Variants in RRN3 observed in about 807,000 individuals in gnomAD.
RRN3 encodes the protein RNA polymerase I transcription factor RRN3.
Under a neutral mutation model 82.3 loss-of-function variants are expected in RRN3, and 38 were observed. The observed-to-expected ratio is 0.46, with a 90% CI of 0.36 to 0.61. The LOEUF (loss-of-function observed/expected upper bound fraction) is 0.61, where lower values mean the gene tolerates loss of function less well. RRN3 is among the 20% of genes least tolerant of loss of function. The pLI is 0.00. For synonymous variants in RRN3, 284 were observed against 284.3 expected (o/e 1.00, Z 0.01); for missense variants, 726 against 793.1 (o/e 0.92, Z 1.02).
chr16:15,076,683 G>T (rs762303545), intron 9 of RRN3, 33 bp from the exon 10 acceptor site: 22 of 1,442,350 alleles, frequency 1.5e-5, no homozygotes, highest in East Asian at 6.8e-5. Context: ...AAGAATAAAA[G>T]GATTTAAAAA....
chr16:15,074,665 C>T, intron 11 of RRN3, 58 bp downstream of exon 11: 1 of 1,355,664 alleles, frequency 7.4e-7, no homozygotes, highest in Non-Finnish European at 1.0e-6. Context: ...TGGAAAATGC[C>T]CAGCACAAAG....
intron 8 of RRN3, among the ~76,000 whole-genome samples, chr16:15,082,611 T>A (rs771683438): frequency 6.6e-6 from 1 of 151,770 alleles, no homozygotes. Flanking sequence ...AGGCAGAGGC[T>A]GCAGCGAGCT....
rs532274255 is a variant in RRN3 at position 15,075,928 on chromosome 16, C to T, written c.858+630G>A. On this transcript the variant is annotated intron_variant, in intron 10 of 17. Transcript: ENST00000198767. ...CAGAAAGGAGCCAGGACCACCCTTG[C>T]ACTCTTTCCAGCCCCTCCCCCTTAG... 5.3e-5 allele frequency among the ~76,000 whole-genome samples: 8 copies of T among 152,296 alleles called. No individual in the cohort carries two copies. In the South Asian group the frequency reaches 1.4e-3, roughly 28 times the overall value.
At chr16:15,093,717 C>A (rs553600822) in intron 1 of RRN3, among the ~76,000 whole-genome samples, 11 of 152,178 alleles carry the variant, frequency 7.2e-5, no homozygotes, top group Non-Finnish European at 1.0e-4. Flanking sequence ...ATAAAGACTG[C>A]GAAACAAATA....
chr16:15,082,272 A>G lies in RRN3; in HGVS notation c.666+1241T>C, dbSNP rs35515726. 1.8e-4 allele frequency among the ~76,000 whole-genome samples: 28 copies of G among 152,284 alleles called. No individual in the cohort carries two copies. In the South Asian group the frequency reaches 5.6e-3, roughly 30 times the overall value. ...AATTTCCTTCTGTTTTTCTCGTAAAAGGATATTGGTGTTTGTCACACACTT... is the reference window on the plus strand; with the variant it reads ...AATTTCCTTCTGTTTTTCTCGTAAAGGGATATTGGTGTTTGTCACACACTT... On this transcript the variant is annotated intron_variant, in intron 8 of 17. Coordinates refer to ENST00000198767, the MANE Select transcript of RRN3 (RefSeq NM_018427.5).
chr16:15,085,509 G>C (rs1036796344), intron 6 of RRN3, 130 bp downstream of exon 6: 1 of 1,175,768 alleles, frequency 8.5e-7, no homozygotes, highest in African/African-American at 1.6e-5. Context: ...GCAGAGACAA[G>C]GTCTCACTAT....
chr16:15,074,968 G>C (rs2045389102), intron 10 of RRN3, 107 bp from the exon 11 acceptor site: 5 of 1,194,272 alleles, frequency 4.2e-6, no homozygotes, highest in Non-Finnish European at 5.7e-6. Context: ...AAAACAAAGA[G>C]GCTGGGGAAA....
chr16:15,070,239 G>A lies in RRN3; in HGVS notation c.1275C>T (p.Cys425=). 6.2e-7 allele frequency: 1 copy of A among 1,611,100 alleles called. No individual in the cohort carries two copies. Among genetic ancestry groups the A allele is most frequent in the Non-Finnish European group, 8.5e-7 (1 of 1,179,692 alleles). The change falls in exon 14 of 18, where the codon TGC becomes TGT. Residue 425 remains cysteine, a synonymous_variant. Coordinates refer to ENST00000198767, the MANE Select transcript of RRN3 (RefSeq NM_018427.5). Reference sequence around the variant, plus strand: ...GCAGCCAGTTAACCAAAAGATCTAGGCATGATTTTACAGTACTAGAGAAAA... The same window carrying A: ...GCAGCCAGTTAACCAAAAGATCTAGACATGATTTTACAGTACTAGAGAAAA... ...KFIPLITVKS[C]LDLLVNWLHI...
At chr16:15,093,824 C>T in intron 1 of RRN3, 1 of 412,012 alleles carries the variant, frequency 2.4e-6, no homozygotes, top group East Asian at 5.2e-5. Flanking sequence ...CAGGGAAATC[C>T]CTTCCAAATT....
intron 14 of RRN3, among the ~76,000 whole-genome samples, chr16:15,068,634 A>G (rs577922956): frequency 6.6e-6 from 1 of 152,340 alleles, no homozygotes; most frequent in African/African-American, 2.4e-5. Flanking sequence ...CAATCATGAC[A>G]GGCAACAAAA....
At chr16:15,074,031 G>A (rs1249018877) in intron 11 of RRN3, among the ~76,000 whole-genome samples, 6 of 152,168 alleles carry the variant, frequency 3.9e-5, no homozygotes, top group African/African-American at 9.7e-5. Context: ...ATATACAGAC[G>A]CTAACAGAAA....
intron 3 of RRN3, among the ~76,000 whole-genome samples, chr16:15,086,853 G>A (rs994394678): frequency 2.0e-5 from 3 of 152,302 alleles, no homozygotes; most frequent in African/African-American, 7.2e-5. Context: ...TGACCAGGAA[G>A]CATGCTGATA....
At chr16:15,069,120 A>G (rs948286378) in intron 14 of RRN3, among the ~76,000 whole-genome samples, 3 of 152,252 alleles carry the variant, frequency 2.0e-5, no homozygotes, top group East Asian at 1.9e-4. Context: ...AATGCAACAC[A>G]TACAACTTTC....
intron 16 of RRN3, among the ~76,000 whole-genome samples, chr16:15,064,363 C>A (rs1011795097): frequency 6.6e-6 from 1 of 152,114 alleles, no homozygotes; most frequent in Non-Finnish European, 1.5e-5. Context: ...TTAGTAAAGA[C>A]AGCGTTTCAC....
intron 1 of RRN3, among the ~76,000 whole-genome samples, chr16:15,093,212 C>A (rs981373156): frequency 6.6e-6 from 1 of 152,162 alleles, no homozygotes; most frequent in Non-Finnish European, 1.5e-5. Flanking sequence ...GCACGTTGGC[C>A]AGGCTGGTCT....
chr16:15,064,810 G>A (rs1425067203), intron 16 of RRN3, among the ~76,000 whole-genome samples: 6 of 152,160 alleles, frequency 3.9e-5, no homozygotes, highest in Non-Finnish European at 5.9e-5. Flanking sequence ...AGCGAGGAAG[G>A]GCCACTTCTG....
At chr16:15,090,210 T>TA (rs59267950) in intron 3 of RRN3, among the ~76,000 whole-genome samples, 15,122 of 149,646 alleles carry the variant, frequency 0.1, 1,010 homozygotes, top group Admixed American at 0.21. Context: ...GACTTTGTCT[T>TA]AAAAAAAAAG....
intron 8 of RRN3, among the ~76,000 whole-genome samples, chr16:15,080,805 C>A (rs1482722200): frequency 1.4e-5 from 2 of 138,750 alleles, no homozygotes; most frequent in Non-Finnish European, 3.2e-5. Context: ...CCTTGGCAAC[C>A]ACTAGTCTTT....
intron 11 of RRN3, 32 bp downstream of exon 11, chr16:15,074,691 G>T: frequency 6.4e-7 from 1 of 1,567,918 alleles, no homozygotes; most frequent in Non-Finnish European, 8.7e-7. Flanking sequence ...TACACTGCAG[G>T]TGTTCAATAA....
Sources: gnomAD v4.1 joint callset for allele counts (sites outside exome capture counted in the v4.1 genomes callset) on GRCh38, gnomAD v4.1.1 for gene constraint, MANE v1.5 for transcripts, NCBI Gene and HGNC (gene_info 2026-07-23, HGNC 2026-07-21) for gene names.